Variants in S100PBP observed in about 807,000 individuals in gnomAD.
S100PBP encodes S100P binding protein.
Under a neutral mutation model 39.9 loss-of-function variants are expected in S100PBP, and 15 were observed. The observed-to-expected ratio is 0.38, with a 90% CI of 0.25 to 0.58. The LOEUF (loss-of-function observed/expected upper bound fraction) is 0.58, where lower values mean the gene tolerates loss of function less well. Among genes scored for constraint, S100PBP ranks in the 20% least tolerant of loss-of-function variants. The pLI is 0.70. For missense variants in S100PBP, 504 were observed against 487.3 expected (o/e 1.03, Z -0.32); for synonymous variants, 178 against 180.3 (o/e 0.99, Z 0.10).
chr1:32,817,516 G>A (rs1438120905), upstream of S100PBP: 3 of 594,172 alleles, frequency 5.0e-6, no homozygotes, highest in Non-Finnish European at 9.0e-6. Context: ...CCTGAGCGGG[G>A]CACAACCCTC....
Position 32,842,234 on chromosome 1 carries a change from T to TACACAC in S100PBP, c.1025-10844_1025-10843insCACACA, listed in dbSNP as rs772486087. ...ATATATATATATGTATATATATATA[T>TACACAC]ATACACACACACACACACACACACA... On this transcript the variant is annotated intron_variant, in intron 5 of 6. Coordinates refer to ENST00000373475, the MANE Select transcript of S100PBP (RefSeq NM_022753.4). Among the ~76,000 whole-genome samples the TACACAC allele has an allele frequency of 1.4e-4, 13 of 91,926 alleles. No homozygotes were observed. The South Asian group carries it at 1.7e-3, about 12-fold the overall frequency. The allele number at this position is 91,926 out of a possible 152,430, so 60.3% of individuals were successfully genotyped here.
intron 3 of S100PBP, 145 bp downstream of exon 3, chr1:32,827,075 T>C (rs1639364176): frequency 6.5e-6 from 4 of 611,156 alleles, no homozygotes; most frequent in Admixed American, 6.6e-5. Context: ...ACATTTGTTA[T>C]AATCTGGCAG....
intron 5 of S100PBP, among the ~76,000 whole-genome samples, chr1:32,840,653 G>T (rs1002045838): frequency 1.3e-5 from 2 of 151,916 alleles, no homozygotes; most frequent in East Asian, 3.9e-4. Flanking sequence ...CACCACGCCC[G>T]ACCTATTTTC....
chr1:32,849,132 CTTTT>C (rs765332164), intron 5 of S100PBP, among the ~76,000 whole-genome samples: 39 of 151,512 alleles, frequency 2.6e-4, no homozygotes, highest in Non-Finnish European at 5.2e-4. Context: ...AGATGAGTAT[CTTTT>C]CTTTCTTTTT....
chr1:32,842,757 G>A (rs1175862872), intron 5 of S100PBP: 7 of 151,846 alleles, frequency 4.6e-5, no homozygotes, highest in Non-Finnish European at 4.4e-5. Context: ...ACTACACTCA[G>A]CTTAATTTTT....
chr1:32,842,001 G>A (rs1640117488), intron 5 of S100PBP, among the ~76,000 whole-genome samples: 1 of 150,742 alleles, frequency 6.6e-6, no homozygotes, highest in Non-Finnish European at 1.5e-5. Flanking sequence ...CCTGGGCAAT[G>A]TGGTGAAACC....
rs1640684833 is a variant in S100PBP at position 32,853,167 on chromosome 1, G to T, written c.1112+1G>T. On this transcript the variant is annotated splice_donor_variant, in intron 6 of 6. Coordinates refer to ENST00000373475, the MANE Select transcript of S100PBP (RefSeq NM_022753.4). LOFTEE classifies it high-confidence loss of function. ...AGCATCCTTCGGACCTCACCACGCG[G>T]TGAGTGGGTGATTAGAAGAAGATGG... 1 of 1,602,068 alleles carries T rather than the reference G, an allele frequency of 6.2e-7. No individual in the cohort carries two copies. Among genetic ancestry groups the T allele is most frequent in the Non-Finnish European group, 8.5e-7 (1 of 1,171,582 alleles).
chr1:32,823,509 A>G (rs1639180632), intron 1 of S100PBP, among the ~76,000 whole-genome samples: 1 of 152,228 alleles, frequency 6.6e-6, no homozygotes, highest in South Asian at 2.1e-4. Context: ...CTTTGATAAG[A>G]TTAATTTTAC....
chr1:32,828,812 G>A (rs937066000), intron 4 of S100PBP, among the ~76,000 whole-genome samples: 41 of 152,132 alleles, frequency 2.7e-4, no homozygotes, highest in Admixed American at 2.2e-3. Context: ...ACCAATCTGC[G>A]CAACATGGCA....
intron 6 of S100PBP, among the ~76,000 whole-genome samples, chr1:32,855,057 C>G (rs1171897285): frequency 6.6e-6 from 1 of 152,100 alleles, no homozygotes; most frequent in South Asian, 2.1e-4. Flanking sequence ...TTAAAGAATT[C>G]AGCAAGTACT....
At chr1:32,850,909 C>G (rs1178491741) in intron 5 of S100PBP, among the ~76,000 whole-genome samples, 1 of 152,188 alleles carries the variant, frequency 6.6e-6, no homozygotes, top group East Asian at 1.9e-4. Context: ...TTTGCAGAGT[C>G]TTTGCAAGCT....
intron 5 of S100PBP, chr1:32,846,723 A>G (rs893101942): frequency 6.6e-6 from 1 of 151,746 alleles, no homozygotes; most frequent in African/African-American, 2.4e-5. Flanking sequence ...CTCCCACCTC[A>G]TCCTTCAAAG....
At chr1:32,831,425 C>T (rs1374602480) in intron 5 of S100PBP, among the ~76,000 whole-genome samples, 1 of 151,914 alleles carries the variant, frequency 6.6e-6, no homozygotes, top group Non-Finnish European at 1.5e-5. Flanking sequence ...TATTGTAAAT[C>T]ACTGGGGAGG....
In S100PBP at chr1:32,852,048, A is replaced by G. The variant is rs573573308; in HGVS notation, c.1025-1031A>G. 8.5e-5 allele frequency among the ~76,000 whole-genome samples: 13 copies of G among 152,328 alleles called. 1 individual carries two copies. In the South Asian group the frequency reaches 2.5e-3, roughly 29 times the overall value. On this transcript the variant is annotated intron_variant, in intron 5 of 6. Coordinates refer to ENST00000373475, the MANE Select transcript of S100PBP (RefSeq NM_022753.4). ...CTGGGTCATCAAGAATTTCAGGGCCATGCATGGTGGCTCACACCTGTAATC... is the reference window on the plus strand; with the variant it reads ...CTGGGTCATCAAGAATTTCAGGGCCGTGCATGGTGGCTCACACCTGTAATC...
chr1:32,842,221 G>GTATATATA (rs373787383), intron 5 of S100PBP, among the ~76,000 whole-genome samples: 2,279 of 91,544 alleles, frequency 0.025, 54 homozygotes, highest in Non-Finnish European at 0.034. Context: ...ATATATATAT[G>GTATATATA]TATATATATA....
Position 32,855,869 on chromosome 1 carries a change from A to C in S100PBP, c.1113-55A>C, listed in dbSNP as rs1393252729. On this transcript the variant is annotated intron_variant, in intron 6 of 6. Transcript: ENST00000373475. ...TTGTGCTGGCCTTTTTTTGTGTACAAATAGCCATTCTAGTTGAAATAGCCT... is the reference window on the plus strand; with the variant it reads ...TTGTGCTGGCCTTTTTTTGTGTACACATAGCCATTCTAGTTGAAATAGCCT... 2.6e-6 allele frequency: 3 copies of C among 1,168,124 alleles called. No homozygotes were observed. The African/African-American group carries it at 4.6e-5, about 18-fold the overall frequency. 72.4% of individuals were successfully genotyped at this position (1,168,124 alleles called of 1,614,324 possible). A position where few individuals can be genotyped will look rare whatever the true frequency, so the allele number is the denominator to read the frequency against.
intron 3 of S100PBP, among the ~76,000 whole-genome samples, 188 bp downstream of exon 3, chr1:32,827,118 C>A: frequency 6.6e-6 from 1 of 152,144 alleles, no homozygotes; most frequent in East Asian, 1.9e-4. Flanking sequence ...GGGTTTGAAT[C>A]CTGACTAGCA....
chr1:32,848,798 T>G (rs1255851316), intron 5 of S100PBP, among the ~76,000 whole-genome samples: 1 of 152,230 alleles, frequency 6.6e-6, no homozygotes, highest in African/African-American at 2.4e-5. Context: ...TATTTATAGA[T>G]TAAGATTTAG....
chr1:32,819,397 A>G (rs1471331510), intron 1 of S100PBP, among the ~76,000 whole-genome samples: 1 of 152,080 alleles, frequency 6.6e-6, no homozygotes, highest in Non-Finnish European at 1.5e-5. Context: ...GCAAAACCCC[A>G]TCTCTACTGT....
Sources: gnomAD v4.1 joint callset for allele counts (sites outside exome capture counted in the v4.1 genomes callset) on GRCh38, gnomAD v4.1.1 for gene constraint, MANE v1.5 for transcripts, NCBI Gene and HGNC (gene_info 2026-07-23, HGNC 2026-07-21) for gene names.